SLC24A2: variants seen among roughly 807,000 people sequenced by gnomAD.
SLC24A2 encodes the protein sodium/potassium/calcium exchanger 2.
A neutral mutation model predicts 62.0 loss-of-function variants in SLC24A2; 36 were observed. The observed-to-expected ratio is 0.58, with a 90% CI of 0.44 to 0.77. SLC24A2 has a LOEUF of 0.77. Ranked by LOEUF, SLC24A2 falls within the 30% of genes least tolerant of loss-of-function variation. The pLI is 0.00. For missense variants in SLC24A2, 846 were observed against 817.9 expected (o/e 1.03, Z -0.42); for synonymous variants, 358 against 294.0 (o/e 1.22, Z -2.23).
the SLC24A2 span, among the ~76,000 whole-genome samples, chr9:20,033,240 G>C: frequency 1.3e-5 from 2 of 152,124 alleles, no homozygotes; most frequent in African/African-American, 4.8e-5. Flanking sequence ...AAGAATAACA[G>C]CATTAGATTC....
chr9:19,686,503 T>C (rs780454224), intron 2 of SLC24A2, among the ~76,000 whole-genome samples: 3 of 152,130 alleles, frequency 2.0e-5, no homozygotes, highest in Non-Finnish European at 4.4e-5. Context: ...TCTTGAGTTG[T>C]AGTTTCCATA....
At chr9:19,724,402 C>T (rs937667617) in intron 2 of SLC24A2, among the ~76,000 whole-genome samples, 15 of 152,232 alleles carry the variant, frequency 9.9e-5, no homozygotes, top group Middle Eastern at 3.4e-3. Flanking sequence ...AAGGTGATGC[C>T]TTCAAAGATT....
At chr9:19,565,454 T>G (rs1428303195) in intron 7 of SLC24A2, among the ~76,000 whole-genome samples, 19 of 150,724 alleles carry the variant, frequency 1.3e-4, no homozygotes, top group South Asian at 8.6e-4. Context: ...CACTGCTCAA[T>G]GAAATAAAAG....
chr9:19,577,408 A>G (rs1302554039), intron 5 of SLC24A2, among the ~76,000 whole-genome samples: 1 of 152,228 alleles, frequency 6.6e-6, no homozygotes, highest in Non-Finnish European at 1.5e-5. Flanking sequence ...AAGGAAAGCC[A>G]AGCCCAGGGG....
At chr9:20,225,387 C>A in the SLC24A2 span, among the ~76,000 whole-genome samples, 1 of 150,160 alleles carries the variant, frequency 6.7e-6, no homozygotes, top group Admixed American at 6.7e-5. Context: ...CTCATAACTA[C>A]TTTTGGGGAG....
intron 2 of SLC24A2, among the ~76,000 whole-genome samples, chr9:19,630,942 G>C (rs970319532): frequency 1.3e-5 from 2 of 152,182 alleles, no homozygotes; most frequent in Non-Finnish European, 2.9e-5. Context: ...ACGAAGATGA[G>C]TTATAAAAGT....
At chr9:19,860,645 T>C in the SLC24A2 span, among the ~76,000 whole-genome samples, 1 of 152,008 alleles carries the variant, frequency 6.6e-6, no homozygotes, top group Non-Finnish European at 1.5e-5. Context: ...GCCATTAGAG[T>C]TCTTGATTCC....
upstream of SLC24A2, among the ~76,000 whole-genome samples, chr9:19,793,504 G>C (rs76661212): frequency 0.018 from 2,807 of 152,310 alleles, 28 homozygotes; most frequent in Admixed American, 0.027. Flanking sequence ...GAAAGATTTG[G>C]TGATGATCAA....
At chr9:19,636,847 G>A (rs2118044640) in intron 2 of SLC24A2, among the ~76,000 whole-genome samples, 1 of 152,186 alleles carries the variant, frequency 6.6e-6, no homozygotes, top group African/African-American at 2.4e-5. Flanking sequence ...GGAGGCAGCG[G>A]GAAGAGTGTC....
intron 8 of SLC24A2, among the ~76,000 whole-genome samples, chr9:19,533,145 C>A (rs536982723): frequency 6.1e-4 from 93 of 152,260 alleles, no homozygotes; most frequent in Middle Eastern, 6.8e-3. Flanking sequence ...GTACTATATA[C>A]TCTGAAACTA....
intron 2 of SLC24A2, among the ~76,000 whole-genome samples, chr9:19,669,449 A>C (rs549136277): frequency 6.6e-6 from 1 of 152,222 alleles, no homozygotes; most frequent in East Asian, 1.9e-4. Flanking sequence ...TTAGCTTTTT[A>C]AAATTGCTAC....
rs1335817538 is a variant in SLC24A2, at chr9:19,512,625, G to A, written c.*3528C>T. On this transcript the variant is annotated 3_prime_UTR_variant, in exon 11 of 11. Coordinates refer to ENST00000341998, the MANE Select transcript of SLC24A2 (RefSeq NM_020344.4). ...TTCTATTTGGGAATTGTCAGTTTGA[G>A]CCAAGCTGCTCTGCTGCCTTGGAAG... The A allele has an allele frequency of 6.6e-6, 1 of 152,232 alleles. No homozygotes were observed. The highest frequency in any genetic ancestry group is 2.4e-5 in the African/African-American group (1 of 41,450). 9.4% of individuals were successfully genotyped at this position (152,232 alleles called of 1,614,324 possible). A position where few individuals can be genotyped will look rare whatever the true frequency, so the allele number is the denominator to read the frequency against.
intron 2 of SLC24A2, among the ~76,000 whole-genome samples, chr9:19,710,556 A>G (rs571036435): frequency 1.1e-4 from 16 of 152,326 alleles, no homozygotes; most frequent in East Asian, 9.6e-4. Flanking sequence ...GAAAGAACAC[A>G]AATGTTCAGG....
the SLC24A2 span, among the ~76,000 whole-genome samples, chr9:20,155,264 T>G: frequency 6.6e-5 from 10 of 151,910 alleles, no homozygotes; most frequent in African/African-American, 2.4e-4. Context: ...CAATAGTGCT[T>G]AAAATAAAAG....
chr9:20,062,314 A>G, the SLC24A2 span, among the ~76,000 whole-genome samples: 1 of 151,508 alleles, frequency 6.6e-6, no homozygotes, highest in Non-Finnish European at 1.5e-5. Context: ...ATGGAACAGA[A>G]CAGAGCCCTC....
the SLC24A2 span, among the ~76,000 whole-genome samples, chr9:20,035,565 G>C: frequency 6.6e-6 from 1 of 152,094 alleles, no homozygotes; most frequent in Admixed American, 6.5e-5. Context: ...ACCAATCTGG[G>C]CAACATAGTG....
the SLC24A2 span, among the ~76,000 whole-genome samples, chr9:19,884,917 A>T: frequency 6.6e-6 from 1 of 152,152 alleles, no homozygotes; most frequent in Non-Finnish European, 1.5e-5. Flanking sequence ...GGATTTTTTC[A>T]ACTTACGATG....
the SLC24A2 span, among the ~76,000 whole-genome samples, chr9:20,242,388 C>A: frequency 6.6e-6 from 1 of 152,204 alleles, no homozygotes; most frequent in South Asian, 2.1e-4. Context: ...TTATCACATC[C>A]AAGGTTGAAT....
chr9:20,238,575 A>C, the SLC24A2 span, among the ~76,000 whole-genome samples: 75 of 152,334 alleles, frequency 4.9e-4, no homozygotes, highest in Non-Finnish European at 8.5e-4. Flanking sequence ...CCTGGGGAGC[A>C]GGTGTACCCC....
Sources: gnomAD v4.1 joint callset for allele counts (sites outside exome capture counted in the v4.1 genomes callset) on GRCh38, gnomAD v4.1.1 for gene constraint, MANE v1.5 for transcripts, NCBI Gene and HGNC (gene_info 2026-07-23, HGNC 2026-07-21) for gene names.